Variants in CCDC178 observed in about 807,000 individuals in gnomAD.
CCDC178 encodes the protein coiled-coil domain-containing protein 178.
Under a neutral mutation model 117.4 loss-of-function variants are expected in CCDC178, and 126 were observed. The ratio of observed to expected loss-of-function variants is 1.07; its 90% CI spans 0.93 to 1.24. The LOEUF is 1.24. Among genes scored for constraint, CCDC178 ranks in the 50% most tolerant of loss-of-function variants. The pLI is 0.00. For missense variants in CCDC178, 1,030 were observed against 986.9 expected, an observed-to-expected ratio of 1.04 and a Z score of -0.59; for synonymous variants, 283 against 313.4, an observed-to-expected ratio of 0.90 and a Z score of 1.02.
chr18:33,249,501 C>G (rs2144705874), intron 14 of CCDC178, among the ~76,000 whole-genome samples: 1 of 152,166 alleles, frequency 6.6e-6, no homozygotes, highest in East Asian at 1.9e-4. Flanking sequence ...GCTAGTTTTC[C>G]CAGCACCATT....
At chr18:33,127,015 TACACACACACAC>T (rs199745115) in intron 20 of CCDC178, among the ~76,000 whole-genome samples, 1 of 142,392 alleles carries the variant, frequency 7.0e-6, no homozygotes, top group Admixed American at 7.0e-5. Flanking sequence ...TATATATATA[TACACACACACAC>T]ACACACACAC....
At chr18:33,354,705 G>A (rs1256344165) in intron 7 of CCDC178, among the ~76,000 whole-genome samples, 6 of 151,654 alleles carry the variant, frequency 4.0e-5, no homozygotes, top group Non-Finnish European at 7.4e-5. Flanking sequence ...CCACCTCCCG[G>A]GTTCAAGTGA....
intron 21 of CCDC178, among the ~76,000 whole-genome samples, chr18:33,010,674 A>G (rs2055845163): frequency 1.3e-5 from 2 of 152,200 alleles, no homozygotes; most frequent in Non-Finnish European, 2.9e-5. Flanking sequence ...TATAGGTCCA[A>G]CTTAACTTTC....
At chr18:33,303,228 A>G (rs1156879975) in intron 11 of CCDC178, among the ~76,000 whole-genome samples, 1 of 152,212 alleles carries the variant, frequency 6.6e-6, no homozygotes, top group Non-Finnish European at 1.5e-5. Flanking sequence ...AAGTGAAAGA[A>G]GCCAATCTGA....
At chr18:33,432,504 C>CAG (rs1285954891) in intron 2 of CCDC178, among the ~76,000 whole-genome samples, 61 of 151,850 alleles carry the variant, frequency 4.0e-4, no homozygotes, top group African/African-American at 1.5e-3. Context: ...CACACACACA[C>CAG]ACACACACAC....
intron 21 of CCDC178, among the ~76,000 whole-genome samples, chr18:33,067,687 T>A (rs922059331): frequency 6.6e-6 from 1 of 151,566 alleles, no homozygotes; most frequent in Non-Finnish European, 1.5e-5. Context: ...CGACTAAAAA[T>A]ACAAAATTAG....
At chr18:33,193,947 A>C (rs192764684) in intron 20 of CCDC178, among the ~76,000 whole-genome samples, 1 of 152,328 alleles carries the variant, frequency 6.6e-6, no homozygotes, top group African/African-American at 2.4e-5. Context: ...CTGCATCATC[A>C]CATGGAGGAA....
At position 33,344,856 on chromosome 18, in the gene CCDC178, T is replaced by C. The variant is rs188437151; in HGVS notation, c.658+1355A>G. 9.8e-3 allele frequency among the ~76,000 whole-genome samples: 1,176 copies of C among 119,622 alleles called. 1 individual carries two copies. Among genetic ancestry groups the C allele is most frequent in the Non-Finnish European group, 0.013 (716 of 54,994 alleles). The allele number at this position is 119,622 out of a possible 152,430, so 78.5% of individuals were successfully genotyped here. ...ACACACACACACACACACACACACATATATTTATAAATTATATAAATCTAC... is the reference window on the plus strand; with the variant it reads ...ACACACACACACACACACACACACACATATTTATAAATTATATAAATCTAC... On this transcript the variant is annotated intron_variant, in intron 9 of 22. Coordinates refer to ENST00000383096, the MANE Select transcript of CCDC178 (RefSeq NM_001105528.4).
At chr18:33,097,242 C>A (rs2057556822) in intron 20 of CCDC178, among the ~76,000 whole-genome samples, 1 of 152,088 alleles carries the variant, frequency 6.6e-6, no homozygotes, top group African/African-American at 2.4e-5. Context: ...AACCTGCCAC[C>A]ACATTGTAAG....
At chr18:33,359,602 T>A (rs1396697532) in intron 6 of CCDC178, among the ~76,000 whole-genome samples, 1 of 151,690 alleles carries the variant, frequency 6.6e-6, no homozygotes, top group Non-Finnish European at 1.5e-5. Flanking sequence ...TTATTTTAAA[T>A]AAAATTCCTG....
At chr18:33,390,262 A>G (rs1307163870) in intron 4 of CCDC178, among the ~76,000 whole-genome samples, 2 of 151,850 alleles carry the variant, frequency 1.3e-5, no homozygotes, top group Non-Finnish European at 2.9e-5. Context: ...ATAAAAATAT[A>G]TTATCATTTA....
intron 20 of CCDC178, among the ~76,000 whole-genome samples, chr18:33,176,610 T>C (rs1364978902): frequency 1.3e-5 from 2 of 152,190 alleles, no homozygotes; most frequent in Non-Finnish European, 2.9e-5. Context: ...AGTTCTCTTA[T>C]GATTTTACTC....
chr18:33,424,800 G>C (rs7228751), intron 2 of CCDC178, among the ~76,000 whole-genome samples: 3,136 of 152,268 alleles, frequency 0.021, 117 homozygotes, highest in African/African-American at 0.072. Context: ...TAATGAGAGA[G>C]CTAGCGTAAG....
rs555449929 is a variant in CCDC178, at chr18:33,127,727, C to T, written c.2239-34817G>A. ...GGGATTACAGGTGTGAGCCACCACG[C>T]CCAGCCCTGATCAGTTGGTATTTTT... On this transcript the variant is annotated intron_variant, in intron 20 of 22. Transcript: ENST00000383096. Among the ~76,000 whole-genome samples the T allele has an allele frequency of 1.1e-4, 16 of 152,220 alleles. No homozygotes were observed. In the South Asian group the frequency reaches 1.9e-3, roughly 18 times the overall value.
At chr18:33,411,577 T>C (rs555201402) in intron 3 of CCDC178, among the ~76,000 whole-genome samples, 6 of 152,128 alleles carry the variant, frequency 3.9e-5, no homozygotes, top group South Asian at 2.1e-4. Flanking sequence ...AATCATATAA[T>C]TTTAAAAATA....
In CCDC178 at chr18:33,047,928, T is replaced by A. The variant is rs79865150; in HGVS notation, c.2388+44833A>T. Among the ~76,000 whole-genome samples, 4 of 152,302 alleles carry A rather than the reference T, an allele frequency of 2.6e-5. No homozygotes were observed. The East Asian group carries it at 7.7e-4, about 29-fold the overall frequency. ...GGAAGGTCAAAGTTTGTAAGAAGTA[T>A]AGATTGCCTGGATAAGCAGTTTAAT... On this transcript the variant is annotated intron_variant, in intron 21 of 22. Coordinates refer to ENST00000383096, the MANE Select transcript of CCDC178 (RefSeq NM_001105528.4).
chr18:33,381,616 T>C (rs777264505), intron 5 of CCDC178, among the ~76,000 whole-genome samples: 49 of 152,224 alleles, frequency 3.2e-4, no homozygotes, highest in Non-Finnish European at 6.0e-4. Context: ...TCACCTTTTT[T>C]TTCCATATAC....
intron 15 of CCDC178, among the ~76,000 whole-genome samples, chr18:33,227,524 A>G (rs577672153): frequency 1.2e-4 from 15 of 125,368 alleles, no homozygotes; most frequent in African/African-American, 4.5e-4. Flanking sequence ...GATTCAAAAG[A>G]TATATGTATG....
intron 20 of CCDC178, among the ~76,000 whole-genome samples, chr18:33,188,625 C>T (rs2058822913): frequency 6.6e-6 from 1 of 152,190 alleles, no homozygotes; most frequent in Non-Finnish European, 1.5e-5. Context: ...TGGCCATGGG[C>T]AATAACCAGC....
Sources: gnomAD v4.1 joint callset for allele counts (sites outside exome capture counted in the v4.1 genomes callset) on GRCh38, gnomAD v4.1.1 for gene constraint, MANE v1.5 for transcripts, NCBI Gene and HGNC (gene_info 2026-07-23, HGNC 2026-07-21) for gene names.